WNT8B: variants seen among roughly 807,000 people sequenced by gnomAD.
The protein encoded by WNT8B is protein Wnt-8b.
A neutral mutation model predicts 36.6 loss-of-function variants in WNT8B; 24 were observed. That is an observed-to-expected ratio of 0.66 (90% CI 0.48 to 0.92). The LOEUF (loss-of-function observed/expected upper bound fraction) is 0.92, where lower values mean the gene tolerates loss of function less well. Among genes scored for constraint, WNT8B ranks in the 40% least tolerant of loss-of-function variants. The probability of loss-of-function intolerance (pLI) is 0.00; values close to 1 mark genes in which losing one functional copy is unlikely to be tolerated. For missense variants in WNT8B, 402 were observed against 470.8 expected, an observed-to-expected ratio of 0.85 and a Z score of 1.35; for synonymous variants, 199 against 189.8, an observed-to-expected ratio of 1.05 and a Z score of -0.40.
chr10:100,471,463 C>G (rs1850976804), intron 1 of WNT8B, among the ~76,000 whole-genome samples: 1 of 152,184 alleles, frequency 6.6e-6, no homozygotes, highest in Non-Finnish European at 1.5e-5. Context: ...GACATAGAAG[C>G]AGTAGGCTGG....
In WNT8B at chr10:100,482,225, G is replaced by A; in HGVS notation, c.511-46G>A. ...AACTCCCACAGGGGCAGTTAAACTC[G>A]CCACGCGCTTAATCCGGGGCCTCTC... On this transcript the variant is annotated intron_variant, in intron 5 of 5. Coordinates refer to ENST00000343737, the MANE Select transcript of WNT8B (RefSeq NM_003393.4). This position sits in a 1 kb window ranked among gnomAD's most constrained non-coding sequence, Gnocchi z 6.6. 1.3e-6 allele frequency: 2 copies of A among 1,540,840 alleles called. No individual in the cohort carries two copies. Among genetic ancestry groups the A allele is most frequent in the Non-Finnish European group, 1.7e-6 (2 of 1,147,290 alleles).
chr10:100,474,640 C>T (rs1263232742), intron 1 of WNT8B, among the ~76,000 whole-genome samples: 1 of 152,126 alleles, frequency 6.6e-6, no homozygotes, highest in Non-Finnish European at 1.5e-5. Flanking sequence ...TCTTGGCTCA[C>T]TGTAAACTCC....
rs1851089500 is a variant in WNT8B at position 100,479,977 on chromosome 10, C to T, written c.206C>T (p.Ala69Val). 1 of 1,613,840 alleles carries T rather than the reference C, an allele frequency of 6.2e-7. No individual in the cohort carries two copies. Among genetic ancestry groups the T allele is most frequent in the East Asian group, 2.2e-5 (1 of 44,884 alleles). The change falls in exon 3 of 6, where the codon GCC becomes GTC. Residue 69 changes from alanine to valine, a missense_variant. Transcript: ENST00000343737. The part of the protein sequence containing the change: ...AWDRWNCPER[A>V]LQLSSHGGLR... Reference sequence around the variant, plus strand: ...GACCGCTGGAACTGCCCTGAGAGAGCCCTGCAGCTGTCCAGCCATGGTGGG... The same window carrying T: ...GACCGCTGGAACTGCCCTGAGAGAGTCCTGCAGCTGTCCAGCCATGGTGGG...
At chr10:100,469,196 A>G (rs1850946329) in intron 1 of WNT8B, among the ~76,000 whole-genome samples, 1 of 152,060 alleles carries the variant, frequency 6.6e-6, no homozygotes, top group Non-Finnish European at 1.5e-5. Context: ...TCTGGCCCCA[A>G]TCTCTACTGC....
Position 100,482,578 on chromosome 10 carries a change from T to C in WNT8B, c.818T>C (p.Leu273Pro). The C allele has an allele frequency of 1.3e-6, 2 of 1,598,114 alleles. No individual in the cohort carries two copies. Among genetic ancestry groups the C allele is most frequent in the Non-Finnish European group, 1.7e-6 (2 of 1,177,988 alleles). ...CTGGGCACCGAAGGCCGAGAGTGCC[T>C]AAGGCGCGGGCGGGCCCTGGGTCGC... ...GLLGTEGRECLRRGRALGRWE... is the reference protein window; with the variant it reads ...GLLGTEGRECPRRGRALGRWE... Residue 273 changes from leucine (L) to proline (P), a missense_variant, in exon 6 of 6, where the codon CTA becomes CCA. By Grantham distance (98) the Leu-to-Pro change is moderately conservative. This residue lies in a region of WNT8B where 256 missense variants were observed against 278.6 expected (regional missense o/e 0.92). Coordinates refer to ENST00000343737, the MANE Select transcript of WNT8B (RefSeq NM_003393.4). The surrounding 1 kb of genome is among the most constrained non-coding windows in gnomAD (Gnocchi z 6.6).
At chr10:100,464,014 G>A (rs1284605463) in intron 1 of WNT8B, among the ~76,000 whole-genome samples, 1 of 152,132 alleles carries the variant, frequency 6.6e-6, no homozygotes, top group Non-Finnish European at 1.5e-5. Flanking sequence ...AATGCAGGTT[G>A]CTAGGGTGTT....
In WNT8B at chr10:100,482,803, G is replaced by C. The variant is rs1260827483; in HGVS notation, c.1043G>C (p.Gly348Ala). The change falls in exon 6 of 6, where the codon GGG becomes GCG. Residue 348 changes from glycine (G) to alanine (A), a missense_variant. By Grantham distance (60) the Gly-to-Ala change is moderately conservative (BLOSUM62 0). Transcript: ENST00000343737. This position sits in a 1 kb window ranked among gnomAD's most constrained non-coding sequence, Gnocchi z 6.6. ...RPRGGAAHKPGRKP is the reference protein window; with the variant it reads ...RPRGGAAHKPARKP ...CGGGGGGGCGCTGCGCACAAACCCG[G>C]GAGAAAACCCTAAGGGTTTCCTCTG... is the stretch of plus-strand genomic sequence containing the variant. The C allele has an allele frequency of 1.3e-6, 2 of 1,573,428 alleles. No homozygotes were observed. The highest frequency in any genetic ancestry group is 1.7e-6 in the Non-Finnish European group (2 of 1,158,480).
chr10:100,468,666 G>A (rs187717479), intron 1 of WNT8B, among the ~76,000 whole-genome samples: 1 of 152,348 alleles, frequency 6.6e-6, no homozygotes, highest in African/African-American at 2.4e-5. Flanking sequence ...AAGAAATGAG[G>A]ACAGGGAAGA....
Position 100,482,193 on chromosome 10 carries a change from T to C in WNT8B, c.511-78T>C, listed in dbSNP as rs1851122279. The C allele has an allele frequency of 1.3e-6, 2 of 1,533,466 alleles. No homozygotes were observed. The highest frequency in any genetic ancestry group is 1.2e-5 in the South Asian group (1 of 80,630). 95.0% of individuals were successfully genotyped at this position (1,533,466 alleles called of 1,614,324 possible). On this transcript the variant is annotated intron_variant, in intron 5 of 5. Transcript: ENST00000343737. The surrounding 1 kb of genome is among the most constrained non-coding windows in gnomAD (Gnocchi z 6.6). ...GGCTGGCCCAGTAGACTAACTAGAC[T>C]TCTCGCAACTCCCACAGGGGCAGTT...
In WNT8B at chr10:100,481,124, G is replaced by T; in HGVS notation, c.367+1G>T. On this transcript the variant is annotated splice_donor_variant, in intron 4 of 5. Transcript: ENST00000343737. LOFTEE classifies it high-confidence loss of function. ...GATGACTCCCGCAACGGGCAACTGGGTGAGTAGTAATGTAGGGATGGGTAC... is the reference window on the plus strand; with the variant it reads ...GATGACTCCCGCAACGGGCAACTGGTTGAGTAGTAATGTAGGGATGGGTAC... 1 of 1,614,016 alleles carries T rather than the reference G, an allele frequency of 6.2e-7. No individual in the cohort carries two copies. The highest frequency in any genetic ancestry group is 8.5e-7 in the Non-Finnish European group (1 of 1,179,970).
intron 1 of WNT8B, 94 bp downstream of exon 1, chr10:100,463,330 C>T (rs1850876629): frequency 3.2e-6 from 4 of 1,269,026 alleles, no homozygotes; most frequent in Non-Finnish European, 4.5e-6. Flanking sequence ...ATGTAGGAAG[C>T]CTTGATAGCT....
At chr10:100,465,966 T>G (rs1850903540) in intron 1 of WNT8B, among the ~76,000 whole-genome samples, 1 of 152,122 alleles carries the variant, frequency 6.6e-6, no homozygotes, top group Admixed American at 6.6e-5. Flanking sequence ...TCTACTACTT[T>G]TAGGTGTATT....
At position 100,479,080 on chromosome 10, in the gene WNT8B, C is replaced by T. The variant is rs767148561; in HGVS notation, c.97C>T (p.Pro33Ser). 1.3e-6 allele frequency: 2 copies of T among 1,598,552 alleles called. No homozygotes were observed. Among genetic ancestry groups the T allele is most frequent in the South Asian group, 1.1e-5 (1 of 87,734 alleles). Residue 33 changes from proline to serine, a missense_variant, in exon 2 of 6, where the codon CCA becomes TCA. Around this residue, in one of 3 missense-constraint regions of WNT8B, gnomAD observed 131 missense variants for 152.6 expected, o/e 0.86. Coordinates refer to ENST00000343737, the MANE Select transcript of WNT8B (RefSeq NM_003393.4). Reference protein sequence around the residue: ...WSVNNFLMTGPKAYLIYSSSV... With the variant: ...WSVNNFLMTGSKAYLIYSSSV... ...GGTGAACAATTTCCTGATGACTGGT[C>T]CAAAGGTAAGAACAAATTCCATTAA...
rs1431388225 is a variant in WNT8B at position 100,482,713 on chromosome 10, C to T, written c.953C>T (p.Ala318Val). 1 of 1,609,294 alleles carries T rather than the reference C, an allele frequency of 6.2e-7. No homozygotes were observed. The highest frequency in any genetic ancestry group is 8.5e-7 in the Non-Finnish European group (1 of 1,178,470). Residue 318 changes from alanine (A) to valine (V), a missense_variant, in exon 6 of 6, where the codon GCA becomes GTA. Physicochemically the swap from Ala to Val is moderately conservative, Grantham distance 64. This residue lies in a region of WNT8B where 256 missense variants were observed against 278.6 expected (regional missense o/e 0.92). Coordinates refer to ENST00000343737, the MANE Select transcript of WNT8B (RefSeq NM_003393.4). This position sits in a 1 kb window ranked among gnomAD's most constrained non-coding sequence, Gnocchi z 6.6. Reference protein sequence around the residue: ...SCNCKFHWCCAVRCEQCRRRV... With the variant: ...SCNCKFHWCCVVRCEQCRRRV... The stretch of plus-strand genomic sequence containing the variant: ...AACTGCAAGTTCCACTGGTGCTGCG[C>T]AGTCCGCTGCGAGCAGTGCCGCCGG...
chr10:100,474,657 A>G lies in WNT8B; in HGVS notation c.69-4395A>G, dbSNP rs932200250. ...TTGGCTCACTGTAAACTCCACCTCC[A>G]GGGTTCAAGTGATTCTCCTGCCTCA... On this transcript the variant is annotated intron_variant, in intron 1 of 5. Transcript: ENST00000343737. Among the ~76,000 whole-genome samples the G allele has an allele frequency of 2.0e-5, 3 of 151,912 alleles. No individual in the cohort carries two copies. The South Asian group carries it at 6.2e-4, about 32-fold the overall frequency.
intron 1 of WNT8B, among the ~76,000 whole-genome samples, chr10:100,477,409 C>G (rs1048399738): frequency 6.6e-6 from 1 of 151,580 alleles, no homozygotes; most frequent in Non-Finnish European, 1.5e-5. Flanking sequence ...ACGCCATTCT[C>G]CTGCCTTAGC....
At chr10:100,464,741 C>T (rs944778058) in intron 1 of WNT8B, among the ~76,000 whole-genome samples, 1 of 152,270 alleles carries the variant, frequency 6.6e-6, no homozygotes, top group Non-Finnish European at 1.5e-5. Flanking sequence ...GAGCCCTTCT[C>T]GCCTTGCCTG....
intron 1 of WNT8B, among the ~76,000 whole-genome samples, chr10:100,468,644 C>T (rs1352967832): frequency 6.6e-6 from 1 of 152,192 alleles, no homozygotes; most frequent in Non-Finnish European, 1.5e-5. Flanking sequence ...TGCTACAATA[C>T]ATAAAGAAGG....
chr10:100,470,417 G>A (rs1205611015), intron 1 of WNT8B, among the ~76,000 whole-genome samples: 2 of 152,054 alleles, frequency 1.3e-5, no homozygotes, highest in East Asian at 3.9e-4. Context: ...TTTTCGTAGA[G>A]ACAGAGTCTC....
Sources: gnomAD v4.1 joint callset for allele counts (sites outside exome capture counted in the v4.1 genomes callset) on GRCh38, gnomAD v4.1.1 for gene constraint, gnomAD v4.1.1 regional missense constraint, Gnocchi (gnomAD v3.1) non-coding constraint, MANE v1.5 for transcripts, NCBI Gene and HGNC (gene_info 2026-07-23, HGNC 2026-07-21) for gene names.